The following GPM6A variants were observed in gnomAD, a reference collection of about 807,000 sequenced individuals.
GPM6A encodes the protein neuronal membrane glycoprotein M6-a.
GPM6A carries 7 observed loss-of-function variants against 32.1 expected under a neutral mutation model. That is an observed-to-expected ratio of 0.22 (90% CI 0.12 to 0.41). GPM6A has a LOEUF of 0.41. Ranked by LOEUF, GPM6A falls within the 10% of genes least tolerant of loss-of-function variation. GPM6A has a pLI of 1.00. For synonymous variants in GPM6A, 130 were observed against 123.4 expected (o/e 1.05, Z -0.35); for missense variants, 235 against 347.2 (o/e 0.68, Z 2.57).
intron 1 of GPM6A, among the ~76,000 whole-genome samples, chr4:175,931,709 C>CACACATATATATAT (rs1324269132): frequency 1.3e-4 from 17 of 129,296 alleles, no homozygotes; most frequent in Admixed American, 4.0e-4. Flanking sequence ...CACACACACA[C>CACACATATATATAT]ATATATATAT....
At chr4:175,811,100 T>C (rs1222198379) in intron 1 of GPM6A, among the ~76,000 whole-genome samples, 1 of 152,072 alleles carries the variant, frequency 6.6e-6, no homozygotes, top group Non-Finnish European at 1.5e-5. Flanking sequence ...AAAGTATGTG[T>C]GTGTACATTA....
Position 175,634,868 on chromosome 4 carries a change from A to T in GPM6A, c.*37T>A. On this transcript the variant is annotated 3_prime_UTR_variant, in exon 7 of 7. Coordinates refer to ENST00000393658, the MANE Select transcript of GPM6A (RefSeq NM_201591.3). ...GTTGGATGGCCCTTAGTTAAACACCAATGCATTCAAATGGTAGAAAGAACA... is the reference window on the plus strand; with the variant it reads ...GTTGGATGGCCCTTAGTTAAACACCTATGCATTCAAATGGTAGAAAGAACA... The T allele has an allele frequency of 6.3e-7, 1 of 1,582,856 alleles. No individual in the cohort carries two copies. Among genetic ancestry groups the T allele is most frequent in the South Asian group, 1.1e-5 (1 of 90,148 alleles).
chr4:175,896,475 C>T (rs1232142515), intron 1 of GPM6A, among the ~76,000 whole-genome samples: 4 of 152,118 alleles, frequency 2.6e-5, no homozygotes, highest in Non-Finnish European at 4.4e-5. Flanking sequence ...CCCTTTGAAG[C>T]CTTAAGCCTT....
rs185742647 is a variant in GPM6A at position 175,882,850 on chromosome 4, A to C, written c.-22-70601T>G. Among the ~76,000 whole-genome samples, 27 of 152,184 alleles carry C rather than the reference A, an allele frequency of 1.8e-4. No homozygotes were observed. The East Asian group carries it at 4.8e-3, about 27-fold the overall frequency. ...CAGTGATTAATCTTCCAGTGAGAAA[A>C]CTCAAGAAAATTATTGAACAGGAAC... On this transcript the variant is annotated intron_variant, in intron 1 of 7. Coordinates refer to the GPM6A transcript ENST00000280187.
intron 1 of GPM6A, among the ~76,000 whole-genome samples, chr4:175,899,193 AT>A (rs1472425509): frequency 1.3e-5 from 2 of 152,196 alleles, no homozygotes; most frequent in East Asian, 3.8e-4. Flanking sequence ...GTATTATGTA[AT>A]TTTGTATTTA....
At chr4:175,985,919 C>A (rs1740959632) in intron 1 of GPM6A, among the ~76,000 whole-genome samples, 1 of 152,030 alleles carries the variant, frequency 6.6e-6, no homozygotes, top group Admixed American at 6.6e-5. Context: ...GATTCTCCTG[C>A]CTCAGCCTCC....
intron 1 of GPM6A, among the ~76,000 whole-genome samples, chr4:175,734,560 T>A (rs1463941862): frequency 6.9e-6 from 1 of 145,674 alleles, no homozygotes; most frequent in African/African-American, 2.5e-5. Context: ...ATCAGTCCTT[T>A]ACTTTTTAAA....
chr4:175,956,640 G>A (rs72704555), intron 1 of GPM6A, among the ~76,000 whole-genome samples: 2,994 of 152,076 alleles, frequency 0.02, 54 homozygotes, highest in African/African-American at 0.042. Flanking sequence ...AGTACACAGA[G>A]GTGTTCAATT....
chr4:175,684,812 C>T (rs550276519), intron 2 of GPM6A, among the ~76,000 whole-genome samples: 3 of 151,982 alleles, frequency 2.0e-5, no homozygotes, highest in African/African-American at 7.2e-5. Flanking sequence ...AAGATTAGAT[C>T]TCTCATAGCT....
intron 1 of GPM6A, among the ~76,000 whole-genome samples, chr4:175,958,950 A>G (rs1357162023): frequency 6.6e-6 from 1 of 152,258 alleles, no homozygotes; most frequent in African/African-American, 2.4e-5. Context: ...AAATGAATGA[A>G]GAACATAATG....
chr4:175,878,606 C>A (rs1388579770), intron 1 of GPM6A, among the ~76,000 whole-genome samples: 1 of 152,132 alleles, frequency 6.6e-6, no homozygotes, highest in African/African-American at 2.4e-5. Context: ...CACAAAGCAA[C>A]AAGGTCCTGG....
intron 3 of GPM6A, among the ~76,000 whole-genome samples, chr4:175,660,070 G>A (rs908749121): frequency 6.6e-5 from 10 of 152,110 alleles, no homozygotes; most frequent in African/African-American, 1.9e-4. Context: ...AAAAGATGAG[G>A]ACAAGTAAAA....
chr4:175,731,077 C>T (rs573446824), intron 1 of GPM6A, among the ~76,000 whole-genome samples: 4 of 152,158 alleles, frequency 2.6e-5, no homozygotes, highest in South Asian at 2.1e-4. Context: ...TATCAGAAGA[C>T]GTTGAATATC....
At chr4:175,872,111 T>C (rs1242551941) in intron 1 of GPM6A, among the ~76,000 whole-genome samples, 2 of 152,212 alleles carry the variant, frequency 1.3e-5, no homozygotes, top group Non-Finnish European at 2.9e-5. Flanking sequence ...CCTGGCTAAT[T>C]AGCCAAGCCA....
chr4:175,904,323 T>C (rs771487486), intron 1 of GPM6A, among the ~76,000 whole-genome samples: 4 of 152,212 alleles, frequency 2.6e-5, no homozygotes, highest in Admixed American at 2.6e-4. Flanking sequence ...TTAAAATATC[T>C]GCTTTCAGTA....
chr4:175,666,940 T>C (rs1742785873), intron 3 of GPM6A, among the ~76,000 whole-genome samples: 1 of 152,204 alleles, frequency 6.6e-6, no homozygotes, highest in Admixed American at 6.6e-5. Context: ...ATTTAAACTA[T>C]AGTATATTTG....
intron 1 of GPM6A, among the ~76,000 whole-genome samples, chr4:175,730,586 T>G (rs372619076): frequency 1.3e-5 from 2 of 152,184 alleles, no homozygotes; most frequent in East Asian, 3.9e-4. Context: ...TTCTCCTGCC[T>G]CAGCCTCCTG....
At chr4:175,838,658 T>A (rs1735847290) in intron 1 of GPM6A, among the ~76,000 whole-genome samples, 1 of 141,570 alleles carries the variant, frequency 7.1e-6, no homozygotes, top group South Asian at 2.4e-4. Flanking sequence ...TTTTTTTTTT[T>A]TTTTTTTTTT....
chr4:175,662,549 G>A (rs978822207), intron 3 of GPM6A, among the ~76,000 whole-genome samples: 21 of 152,074 alleles, frequency 1.4e-4, no homozygotes, highest in African/African-American at 4.6e-4. Flanking sequence ...GCAGTGAGCC[G>A]AGATCGCACC....
Sources: allele counts gnomAD v4.1 joint callset (sites outside exome capture counted in the v4.1 genomes callset), GRCh38; gene constraint gnomAD v4.1.1; transcripts MANE v1.5; gene names NCBI Gene and HGNC (gene_info 2026-07-23, HGNC 2026-07-21).